INO80: variants seen among roughly 807,000 people sequenced by gnomAD.
The protein encoded by INO80 is chromatin-remodeling ATPase INO80.
INO80 carries 20 observed loss-of-function variants against 203.4 expected under a neutral mutation model. The ratio of observed to expected loss-of-function variants is 0.10; its 90% confidence interval spans 0.07 to 0.14. The LOEUF (loss-of-function observed/expected upper bound fraction) is 0.14, where lower values mean the gene tolerates loss of function less well. Among genes scored for constraint, INO80 ranks in the 10% least tolerant of loss-of-function variants. The pLI, the probability that INO80 is intolerant of heterozygous loss-of-function variation, is 1.00. For missense variants in INO80, 1,419 were observed against 1,914.4 expected (o/e 0.74, Z 4.83); for synonymous variants, 726 against 685.2 (o/e 1.06, Z -0.93).
intron 25 of INO80, among the ~76,000 whole-genome samples, chr15:41,023,701 G>A (rs2044329261): frequency 1.4e-5 from 2 of 145,642 alleles, no homozygotes; most frequent in South Asian, 4.4e-4. Flanking sequence ...TCCAAGAGGT[G>A]GAGGTTACAG....
chr15:41,095,531 G>T, intron 4 of INO80, 70 bp downstream of exon 4: 3 of 1,085,060 alleles, frequency 2.8e-6, no homozygotes, highest in South Asian at 1.4e-5. Context: ...AAAATGAGTT[G>T]ATAACTTTCC....
intron 19 of INO80, among the ~76,000 whole-genome samples, chr15:41,051,894 GTTGCAGT>G (rs2140534798): frequency 6.6e-6 from 1 of 152,232 alleles, no homozygotes; most frequent in South Asian, 2.1e-4. Context: ...GCAGGCGGAG[GTTGCAGT>G]GAGCTGAGAT....
intron 10 of INO80, among the ~76,000 whole-genome samples, 173 bp from the exon 11 acceptor site, chr15:41,073,668 A>G (rs2045358369): frequency 1.3e-5 from 2 of 152,130 alleles, no homozygotes; most frequent in South Asian, 4.1e-4. Context: ...TGGAAATGCA[A>G]TGGAGGTGGA....
At chr15:41,040,882 TAC>T (rs2044655385) in intron 24 of INO80, among the ~76,000 whole-genome samples, 1 of 151,340 alleles carries the variant, frequency 6.6e-6, no homozygotes, top group African/African-American at 2.4e-5. Context: ...ATAAGAAAAA[TAC>T]AGTCAGCCCA....
intron 24 of INO80, among the ~76,000 whole-genome samples, chr15:41,038,783 A>G (rs1448057052): frequency 1.3e-5 from 2 of 152,090 alleles, no homozygotes; most frequent in Non-Finnish European, 1.5e-5. Context: ...ATTCTTCCTG[A>G]TATCACACTC....
Position 41,095,841 on chromosome 15 carries a change from T to C in INO80, c.231A>G (p.Pro77=), listed in dbSNP as rs759353436. 1.9e-6 allele frequency: 3 copies of C among 1,614,130 alleles called. No individual in the cohort carries two copies. The highest frequency in any genetic ancestry group is 2.2e-5 in the East Asian group (1 of 44,870). Residue 77 remains proline (P), a synonymous_variant, in exon 3 of 36, where the codon CCA becomes CCG. Transcript: ENST00000648947. ...DPLIQVKEEP[P]NSLLGETSGA... is the part of the protein sequence containing the mutation. Reference sequence around the variant, plus strand: ...CAGAAGTTTCACCAAGCAATGAATTTGGAGGTTCTTCCTTAACTTGTATTA... The same window carrying C: ...CAGAAGTTTCACCAAGCAATGAATTCGGAGGTTCTTCCTTAACTTGTATTA...
Position 40,987,196 on chromosome 15 carries a change from ACAC to A in INO80, c.3730-6_3730-4del. On this transcript the variant is annotated splice_polypyrimidine_tract_variant and splice_region_variant and intron_variant, in intron 30 of 35. Coordinates refer to ENST00000648947, the MANE Select transcript of INO80 (RefSeq NM_017553.3). ...CCTGAAATCACCATCCGCTGAATCT[ACAC>A]CAAAGCAGATCAAAATGTCACCTCC... 1 of 1,580,800 alleles carries A rather than the reference ACAC, an allele frequency of 6.3e-7. No individual in the cohort carries two copies. The highest frequency in any genetic ancestry group is 1.7e-4 in the Middle Eastern group (1 of 6,004).
At chr15:41,050,732 T>C (rs2044854619) in intron 19 of INO80, among the ~76,000 whole-genome samples, 1 of 152,210 alleles carries the variant, frequency 6.6e-6, no homozygotes, top group Admixed American at 6.5e-5. Flanking sequence ...CCGGTTGTGA[T>C]ATACTTTCCA....
intron 14 of INO80, among the ~76,000 whole-genome samples, chr15:41,069,352 A>G (rs1050110417): frequency 6.8e-6 from 1 of 147,998 alleles, no homozygotes; most frequent in Non-Finnish European, 1.5e-5. Flanking sequence ...TTGTATTTTT[A>G]GTAGAGACGG....
Position 41,047,439 on chromosome 15 carries a change from C to T in INO80, c.2704G>A (p.Ala902Thr), listed in dbSNP as rs369686349. 11 of 1,613,428 alleles carry T rather than the reference C, an allele frequency of 6.8e-6. No individual in the cohort carries two copies. Among genetic ancestry groups the T allele is most frequent in the Non-Finnish European group, 9.3e-6 (11 of 1,179,780 alleles). The part of the protein sequence containing the change: ...RFIDISPAEM[A>T]NLMLQGLLAR... ...AAAAGTCCCTGAAGCATAAGGTTTG[C>T]CATTTCTGCTGGAGATATATCAATA... The change falls in exon 23 of 36, where the codon GCA (alanine) becomes ACA (threonine). Residue 902 changes from alanine (A) to threonine (T), a missense_variant. By Grantham distance (58) the Ala-to-Thr change is moderately conservative. Coordinates refer to ENST00000648947, the MANE Select transcript of INO80 (RefSeq NM_017553.3).
At chr15:41,054,307 C>CT (rs2140541595) in intron 18 of INO80, among the ~76,000 whole-genome samples, 1 of 152,264 alleles carries the variant, frequency 6.6e-6, no homozygotes, top group African/African-American at 2.4e-5. Context: ...GAAAAATTAT[C>CT]TGAGACTCTC....
At chr15:41,064,589 C>T (rs1158688764) in intron 14 of INO80, among the ~76,000 whole-genome samples, 1 of 152,102 alleles carries the variant, frequency 6.6e-6, no homozygotes, top group Admixed American at 6.6e-5. Context: ...ATATATGACA[C>T]ATCAAACCTT....
intron 16 of INO80, 88 bp downstream of exon 16, chr15:41,058,551 C>G: frequency 8.0e-6 from 7 of 872,406 alleles, no homozygotes; most frequent in East Asian, 3.0e-5. Context: ...ATATACAAGT[C>G]TGTGTGTGTG....
At chr15:40,988,845 T>C (rs1407191321) in intron 29 of INO80, among the ~76,000 whole-genome samples, 1 of 152,148 alleles carries the variant, frequency 6.6e-6, no homozygotes, top group African/African-American at 2.4e-5. Context: ...TGAAACCCCA[T>C]CTCTACTAAA....
chr15:41,000,220 C>T (rs560481361), intron 28 of INO80, among the ~76,000 whole-genome samples: 3 of 152,176 alleles, frequency 2.0e-5, no homozygotes, highest in East Asian at 1.9e-4. Flanking sequence ...CTGATACCTG[C>T]GTGAGAGTTG....
chr15:41,037,473 G>A (rs766901685), intron 24 of INO80, among the ~76,000 whole-genome samples: 4 of 150,750 alleles, frequency 2.7e-5, no homozygotes, highest in Non-Finnish European at 5.9e-5. Context: ...CACTGCACTC[G>A]AGCCTGGGCA....
chr15:41,078,220 A>G (rs2045434576), intron 9 of INO80, among the ~76,000 whole-genome samples: 1 of 152,148 alleles, frequency 6.6e-6, no homozygotes, highest in Non-Finnish European at 1.5e-5. Flanking sequence ...TTTAACCCTA[A>G]AGAAGTTAAC....
chr15:41,039,593 G>A (rs2044637405), intron 24 of INO80, among the ~76,000 whole-genome samples: 1 of 152,278 alleles, frequency 6.6e-6, no homozygotes, highest in Non-Finnish European at 1.5e-5. Context: ...ATTGGGAAAA[G>A]GCTGTTCTGA....
Position 41,047,511 on chromosome 15 carries a change from A to G in INO80, c.2642-10T>C, listed in dbSNP as rs201590116. On this transcript the variant is annotated splice_polypyrimidine_tract_variant and intron_variant, in intron 22 of 35. Transcript: ENST00000648947. ...CTTTCTTCATTAATACCTGAAATAT[A>G]AAAGACAATTTGAAACCCAACAGCA... The G allele has an allele frequency of 2.5e-5, 39 of 1,577,810 alleles. No homozygotes were observed. The Admixed American group carries it at 4.0e-4, about 16-fold the overall frequency.
Sources: allele counts gnomAD v4.1 joint callset (sites outside exome capture counted in the v4.1 genomes callset), GRCh38; gene constraint gnomAD v4.1.1; transcripts MANE v1.5; gene names NCBI Gene and HGNC (gene_info 2026-07-23, HGNC 2026-07-21).